The following FKTN variants were observed in gnomAD, a reference collection of about 807,000 sequenced individuals.
FKTN encodes the protein fukutin, also known as ribitol-5-phosphate transferase FKTN.
Under a neutral mutation model 58.6 loss-of-function variants are expected in FKTN, and 47 were observed. The observed-to-expected ratio is 0.80, with a 90% confidence interval of 0.63 to 1.02. The LOEUF is 1.02. FKTN is among the 50% of genes least tolerant of loss of function. The pLI is 0.00. For missense variants in FKTN, 516 were observed against 537.3 expected, an observed-to-expected ratio of 0.96 and a Z score of 0.39; for synonymous variants, 178 against 191.9, an observed-to-expected ratio of 0.93 and a Z score of 0.60.
At chr9:105,584,685 T>C (rs1360262270) in intron 3 of FKTN, among the ~76,000 whole-genome samples, 1 of 152,052 alleles carries the variant, frequency 6.6e-6, no homozygotes, top group Non-Finnish European at 1.5e-5. Context: ...CCCAGCATGG[T>C]GGCGTGTGCC....
At chr9:105,584,853 T>A (rs1843631312) in intron 3 of FKTN, among the ~76,000 whole-genome samples, 1 of 152,068 alleles carries the variant, frequency 6.6e-6, no homozygotes, top group African/African-American at 2.4e-5. Flanking sequence ...GAAATTATAT[T>A]AAACCGTTTG....
In FKTN at chr9:105,576,170, T is replaced by A. The variant is rs555928390; in HGVS notation, c.105+1033T>A. 5.4e-3 allele frequency among the ~76,000 whole-genome samples: 821 copies of A among 151,380 alleles called. 10 individuals carry two copies. Among genetic ancestry groups the A allele is most frequent in the African/African-American group, 0.019 (795 of 41,290 alleles). ...CTTTTTTTTTTTTTTTTAATTAATT[T>A]ATTTTTTTTATTATACTTTAAGTTT... On this transcript the variant is annotated intron_variant, in intron 3 of 10. Coordinates refer to ENST00000357998, the MANE Select transcript of FKTN (RefSeq NM_001079802.2).
At chr9:105,576,951 C>T (rs1334307862) in intron 3 of FKTN, among the ~76,000 whole-genome samples, 216 of 106,316 alleles carry the variant, frequency 2.0e-3, no homozygotes, top group Non-Finnish European at 2.9e-3. Context: ...TGTCTTTTGG[C>T]TGCATAAATG....
At chr9:105,616,225 A>G (rs2133119846) in intron 8 of FKTN, among the ~76,000 whole-genome samples, 1 of 152,356 alleles carries the variant, frequency 6.6e-6, no homozygotes, top group Middle Eastern at 3.4e-3. Context: ...TTCTCAGATA[A>G]TCCTTAAATT....
chr9:105,620,816 A>G (rs1456585353), intron 10 of FKTN, among the ~76,000 whole-genome samples: 1 of 151,472 alleles, frequency 6.6e-6, no homozygotes, highest in Admixed American at 6.6e-5. Flanking sequence ...TAGTAGTAGT[A>G]GTAGTAAAGA....
Position 105,635,472 on chromosome 9 carries a change from G to A in FKTN, c.*208G>A, listed in dbSNP as rs1833964859. 2 of 1,432,302 alleles carry A rather than the reference G, an allele frequency of 1.4e-6. No individual in the cohort carries two copies. Among genetic ancestry groups the A allele is most frequent in the African/African-American group, 2.9e-5 (2 of 69,598 alleles). 88.7% of individuals were successfully genotyped at this position (1,432,302 alleles called of 1,614,324 possible). Reference sequence around the variant, plus strand: ...ACATACAATGCTAGGTTACAGTGGAGAAGCCTAGATGAATGAGACAAATAC... The same window carrying A: ...ACATACAATGCTAGGTTACAGTGGAAAAGCCTAGATGAATGAGACAAATAC... On this transcript the variant is annotated 3_prime_UTR_variant, in exon 11 of 11. Transcript: ENST00000357998.
At chr9:105,579,157 G>C (rs1393475908) in intron 3 of FKTN, among the ~76,000 whole-genome samples, 2 of 151,982 alleles carry the variant, frequency 1.3e-5, no homozygotes, top group African/African-American at 2.4e-5. Flanking sequence ...TTTTGTGTCT[G>C]TATCTCCTGC....
intron 6 of FKTN, among the ~76,000 whole-genome samples, chr9:105,604,932 G>A (rs1160624716): frequency 6.6e-6 from 1 of 151,180 alleles, no homozygotes; most frequent in Non-Finnish European, 1.5e-5. Flanking sequence ...CTCTAGGCTG[G>A]GCAACAGAGC....
chr9:105,581,701 C>G lies in FKTN; in HGVS notation c.105+6564C>G, dbSNP rs574328438. 1.2e-4 allele frequency among the ~76,000 whole-genome samples: 18 copies of G among 152,314 alleles called. No individual in the cohort carries two copies. In the East Asian group the frequency reaches 2.3e-3, roughly 20 times the overall value. ...GAACTGTGGTGGGCTCCATGCAGTTCGAGCTTCCCGGCTGCTTTGTTTACC... is the reference window on the plus strand; with the variant it reads ...GAACTGTGGTGGGCTCCATGCAGTTGGAGCTTCCCGGCTGCTTTGTTTACC... On this transcript the variant is annotated intron_variant, in intron 3 of 10. Transcript: ENST00000357998.
At chr9:105,628,332 A>G (rs1346813798) in intron 10 of FKTN, among the ~76,000 whole-genome samples, 1 of 152,128 alleles carries the variant, frequency 6.6e-6, no homozygotes, top group Non-Finnish European at 1.5e-5. Flanking sequence ...GCAGGTGCAA[A>G]ATTGAGGAAT....
At chr9:105,627,703 C>T (rs913170362) in intron 10 of FKTN, among the ~76,000 whole-genome samples, 6 of 152,108 alleles carry the variant, frequency 3.9e-5, no homozygotes, top group Admixed American at 6.6e-5. Context: ...CTTCTTGGTA[C>T]CTTGATCTGG....
intron 10 of FKTN, among the ~76,000 whole-genome samples, chr9:105,620,762 T>C (rs1831738713): frequency 7.3e-6 from 1 of 136,874 alleles, no homozygotes; most frequent in African/African-American, 2.7e-5. Context: ...TACCTGCTGT[T>C]ACTAATACTA....
intron 1 of FKTN, among the ~76,000 whole-genome samples, chr9:105,569,154 G>T (rs1229204528): frequency 1.3e-5 from 2 of 152,124 alleles, no homozygotes; most frequent in African/African-American, 4.8e-5. Context: ...TGGGAGCAAG[G>T]GGGAGGCGTA....
chr9:105,566,390 G>C lies in FKTN; in HGVS notation c.-180-7265G>C, dbSNP rs532820021. Among the ~76,000 whole-genome samples the C allele has an allele frequency of 4.9e-3, 744 of 151,996 alleles. 9 individuals carry two copies. The highest frequency in any genetic ancestry group is 0.017 in the African/African-American group (720 of 41,388). ...GTTTTTTGAAAAGGTCAACAAAATT[G>C]ATAGACCACTAGCAAGACTAATAAA... On this transcript the variant is annotated intron_variant, in intron 1 of 10. Transcript: ENST00000357998.
At chr9:105,615,539 A>G (rs554113764) in intron 8 of FKTN, 132 bp downstream of exon 8, 21 of 837,418 alleles carry the variant, frequency 2.5e-5, no homozygotes, top group African/African-American at 1.7e-5. Context: ...ACATGAGTGC[A>G]TGCAGCAAGG....
chr9:105,576,145 C>A (rs377292216), intron 3 of FKTN, among the ~76,000 whole-genome samples: 30 of 119,694 alleles, frequency 2.5e-4, no homozygotes, highest in African/African-American at 7.9e-4. Context: ...TGAAACTTTT[C>A]TTTTTTTTTT....
At chr9:105,579,781 T>A (rs1282914731) in intron 3 of FKTN, among the ~76,000 whole-genome samples, 1 of 149,504 alleles carries the variant, frequency 6.7e-6, no homozygotes, top group African/African-American at 2.5e-5. Flanking sequence ...AAGTCTCCCA[T>A]TATTAATGTG....
Position 105,601,225 on chromosome 9 carries a change from G to A in FKTN, c.246G>A (p.Leu82=). 1 of 1,610,316 alleles carries A rather than the reference G, an allele frequency of 6.2e-7. No homozygotes were observed. Among genetic ancestry groups the A allele is most frequent in the Non-Finnish European group, 8.5e-7 (1 of 1,176,882 alleles). Residue 82 remains leucine (L), a synonymous_variant, in exon 5 of 11, where the codon TTG becomes TTA. Coordinates refer to ENST00000357998, the MANE Select transcript of FKTN (RefSeq NM_001079802.2). ...TTATTGATCCTTTGATACTGGAATT[G>A]ATTAATAAGAACTTTGAACAAGTCA... The part of the protein sequence containing the change: ...VFLIDPLILE[L]INKNFEQVKN...
Position 105,635,264 on chromosome 9 carries a change from A to C in FKTN, c.1386A>C (p.Ter462CysextTer17). Reference sequence around the variant, plus strand: ...GGGATGAGGTTATCCAGTTATATTGAGATAGTAGGTTGAAATGGGAGAATT... The same window carrying C: ...GGGATGAGGTTATCCAGTTATATTGCGATAGTAGGTTGAAATGGGAGAATT... ...SEWDEVIQLY[*>C] The change falls in exon 11 of 11, where the codon TGA becomes TGC. Residue 462 changes from the stop codon to cysteine, a stop_lost. Transcript: ENST00000357998. The C allele has an allele frequency of 6.2e-7, 1 of 1,613,882 alleles. No homozygotes were observed. Among genetic ancestry groups the C allele is most frequent in the Non-Finnish European group, 8.5e-7 (1 of 1,179,750 alleles).
Sources: allele counts gnomAD v4.1 joint callset (sites outside exome capture counted in the v4.1 genomes callset), GRCh38; gene constraint gnomAD v4.1.1; transcripts MANE v1.5; gene names NCBI Gene and HGNC (gene_info 2026-07-23, HGNC 2026-07-21).